Variants in SIPA1L1 observed in about 807,000 individuals in gnomAD.
The protein encoded by SIPA1L1 is signal-induced proliferation-associated 1-like protein 1.
SIPA1L1 carries 26 observed loss-of-function variants against 162.7 expected under a neutral mutation model. That is an observed-to-expected ratio of 0.16 (90% confidence interval 0.12 to 0.22). The LOEUF (loss-of-function observed/expected upper bound fraction) is 0.22, where lower values mean the gene tolerates loss of function less well. SIPA1L1 is among the 10% of genes least tolerant of loss of function. The pLI, the probability that SIPA1L1 is intolerant of heterozygous loss-of-function variation, is 1.00. For missense variants in SIPA1L1, 1,874 were observed against 2,241.0 expected, an observed-to-expected ratio of 0.84 and a Z score of 3.31; for synonymous variants, 829 against 837.4, an observed-to-expected ratio of 0.99 and a Z score of 0.17.
intron 2 of SIPA1L1, among the ~76,000 whole-genome samples, chr14:71,452,239 C>T (rs1317121908): frequency 6.6e-6 from 1 of 151,924 alleles, no homozygotes; most frequent in Non-Finnish European, 1.5e-5. Context: ...ACTGTTCTGA[C>T]TTATGTCACC....
chr14:71,568,560 C>T (rs2031266301), intron 4 of SIPA1L1, among the ~76,000 whole-genome samples: 1 of 152,116 alleles, frequency 6.6e-6, no homozygotes, highest in Non-Finnish European at 1.5e-5. Context: ...GAAAGAGGTC[C>T]CAATCCAGAC....
intron 2 of SIPA1L1, among the ~76,000 whole-genome samples, chr14:71,410,880 C>T (rs928710410): frequency 2.6e-5 from 4 of 152,126 alleles, no homozygotes; most frequent in African/African-American, 9.7e-5. Context: ...TACAGAAAAC[C>T]ATAGGTTAAA....
intron 4 of SIPA1L1, among the ~76,000 whole-genome samples, chr14:71,578,242 C>A (rs921510421): frequency 6.6e-6 from 1 of 151,936 alleles, no homozygotes; most frequent in African/African-American, 2.4e-5. Flanking sequence ...GAGACAAGGT[C>A]TTGCTTTGTT....
chr14:71,409,726 A>G (rs2042274163), intron 2 of SIPA1L1, among the ~76,000 whole-genome samples: 1 of 152,088 alleles, frequency 6.6e-6, no homozygotes, highest in South Asian at 2.1e-4. Context: ...TACTCACTAA[A>G]CTCTGGGAGT....
intron 4 of SIPA1L1, among the ~76,000 whole-genome samples, chr14:71,575,991 A>G (rs1221552912): frequency 6.6e-6 from 1 of 152,256 alleles, no homozygotes; most frequent in Non-Finnish European, 1.5e-5. Flanking sequence ...TTAGATTACA[A>G]TAGAAGTTCT....
chr14:71,346,073 A>G (rs1236512048), intron 2 of SIPA1L1, among the ~76,000 whole-genome samples: 1 of 151,048 alleles, frequency 6.6e-6, no homozygotes, highest in Non-Finnish European at 1.5e-5. Context: ...ACGCCCAGCT[A>G]ATTTTTGTAT....
At chr14:71,604,881 T>G (rs1289970100) in intron 5 of SIPA1L1, among the ~76,000 whole-genome samples, 1 of 152,088 alleles carries the variant, frequency 6.6e-6, no homozygotes, top group Non-Finnish European at 1.5e-5. Context: ...TTTTATTGTT[T>G]CTGTTTGGGG....
chr14:71,594,846 A>G (rs1023345262), intron 5 of SIPA1L1, among the ~76,000 whole-genome samples: 4 of 152,224 alleles, frequency 2.6e-5, no homozygotes, highest in African/African-American at 9.6e-5. Flanking sequence ...GAGGCACTAA[A>G]TGCCTTCCTG....
intron 2 of SIPA1L1, among the ~76,000 whole-genome samples, chr14:71,427,236 C>CTT (rs548405834): frequency 6.8e-6 from 1 of 147,378 alleles, no homozygotes; most frequent in Non-Finnish European, 1.5e-5. Flanking sequence ...ACTTTCTCAG[C>CTT]TTTTTTTTTT....
intron 2 of SIPA1L1, among the ~76,000 whole-genome samples, chr14:71,331,926 G>A (rs1476209631): frequency 1.3e-5 from 2 of 152,226 alleles, no homozygotes; most frequent in Non-Finnish European, 2.9e-5. Context: ...AAAGATTGAA[G>A]CCAGAACAGC....
intron 7 of SIPA1L1, among the ~76,000 whole-genome samples, chr14:71,641,173 G>A (rs1323372290): frequency 6.6e-6 from 1 of 151,620 alleles, no homozygotes; most frequent in African/African-American, 2.4e-5. Context: ...CATTATTTGG[G>A]AATAAAAGCA....
intron 2 of SIPA1L1, among the ~76,000 whole-genome samples, chr14:71,344,004 G>A (rs1231368627): frequency 2.6e-5 from 4 of 152,208 alleles, no homozygotes; most frequent in Non-Finnish European, 5.9e-5. Context: ...TGTCCACTGC[G>A]TGTCCACGGT....
intron 5 of SIPA1L1, among the ~76,000 whole-genome samples, chr14:71,590,035 AAAAAAAAAAAT>A (rs1311906605): frequency 2.2e-4 from 19 of 85,292 alleles, no homozygotes; most frequent in African/African-American, 7.8e-4. Context: ...AAAAAAAAAA[AAAAAAAAAAAT>A]ATATATATAT....
At chr14:71,470,209 T>C (rs2142170854) in intron 2 of SIPA1L1, among the ~76,000 whole-genome samples, 1 of 152,324 alleles carries the variant, frequency 6.6e-6, no homozygotes, top group African/African-American at 2.4e-5. Flanking sequence ...GGATGACAGT[T>C]ACCAAATTAC....
At position 71,444,053 on chromosome 14, in the gene SIPA1L1, C is replaced by T. The variant is rs775322508; in HGVS notation, c.-464-68690C>T. 4.5e-4 allele frequency among the ~76,000 whole-genome samples: 69 copies of T among 152,164 alleles called. 1 individual carries two copies. Among genetic ancestry groups the T allele is most frequent in the Non-Finnish European group, 2.4e-4 (16 of 68,028 alleles). ...TTTTTCTTCATTTATTAGTTTCTGT[C>T]CAGGCAATCCTATCACAGCCACTAA... On this transcript the variant is annotated intron_variant, in intron 2 of 23. Coordinates refer to ENST00000381232, the MANE Select transcript of SIPA1L1 (RefSeq NM_001386936.1).
chr14:71,356,586 A>AAAAAAAAAAAAAAAAAAAAAC (rs1323653711), intron 2 of SIPA1L1, among the ~76,000 whole-genome samples: 2 of 147,294 alleles, frequency 1.4e-5, no homozygotes, highest in African/African-American at 2.5e-5. Context: ...AAAAAAAAAA[A>AAAAAAAAAAAAAAAAAAAAAC]AGCACACCTG....
chr14:71,510,484 G>A (rs1021921041), intron 2 of SIPA1L1, among the ~76,000 whole-genome samples: 1 of 151,858 alleles, frequency 6.6e-6, no homozygotes, highest in African/African-American at 2.4e-5. Flanking sequence ...CACCACGCCT[G>A]GCCTAATCCC....
chr14:71,693,046 T>A (rs186718138), intron 13 of SIPA1L1, among the ~76,000 whole-genome samples: 114 of 152,334 alleles, frequency 7.5e-4, no homozygotes, highest in Non-Finnish European at 1.4e-3. Context: ...TAATACAGGT[T>A]CAGCATCCCT....
chr14:71,565,387 T>C (rs927745484), intron 4 of SIPA1L1, among the ~76,000 whole-genome samples: 12 of 152,196 alleles, frequency 7.9e-5, no homozygotes, highest in African/African-American at 2.9e-4. Context: ...AGATACTGAA[T>C]TTGGTTTTGG....
Sources: gnomAD v4.1 joint callset for allele counts (sites outside exome capture counted in the v4.1 genomes callset) on GRCh38, gnomAD v4.1.1 for gene constraint, MANE v1.5 for transcripts, NCBI Gene and HGNC (gene_info 2026-07-23, HGNC 2026-07-21) for gene names.